The following TREM1 variants were observed in gnomAD, a reference collection of about 807,000 sequenced individuals.
TREM1 encodes the protein triggering receptor expressed on monocytes 1.
A neutral mutation model predicts 22.4 loss-of-function variants in TREM1; 16 were observed. That is an observed-to-expected ratio of 0.71 (90% CI 0.48 to 1.08). The LOEUF (loss-of-function observed/expected upper bound fraction) is 1.08. Among genes scored for constraint, TREM1 ranks in the 50% least tolerant of loss-of-function variants. The probability of loss-of-function intolerance (pLI) is 0.00; values close to 1 mark genes in which losing one functional copy is unlikely to be tolerated. For synonymous variants in TREM1, 110 were observed against 111.6 expected, an observed-to-expected ratio of 0.99 and a Z score of 0.09; for missense variants, 283 against 282.9, an observed-to-expected ratio of 1.00 and a Z score of 0.00.
chr6:41,285,514 G>A (rs529121149), intron 1 of TREM1, among the ~76,000 whole-genome samples: 1 of 152,290 alleles, frequency 6.6e-6, no homozygotes, highest in South Asian at 2.1e-4. Flanking sequence ...TGAGCTACAT[G>A]GTCCAACACA....
In TREM1 at chr6:41,282,692, G is replaced by T; in HGVS notation, c.109C>A (p.Leu37Met). The change falls in exon 2 of 4, where the codon CTG becomes ATG. Residue 37 changes from leucine (L) to methionine (M), a missense_variant. Transcript: ENST00000244709. ...AGCGTGTAGTCACATTTCACATCCA[G>T]GGTCTGCCCCTCTTTCAGTTCATAC... The part of the protein sequence containing the change: ...EKYELKEGQT[L>M]DVKCDYTLEK... The T allele has an allele frequency of 6.2e-7, 1 of 1,614,112 alleles. No homozygotes were observed. Among genetic ancestry groups the T allele is most frequent in the South Asian group, 1.1e-5 (1 of 91,082 alleles).
intron 1 of TREM1, among the ~76,000 whole-genome samples, chr6:41,286,128 A>T (rs75472587): frequency 0.017 from 2,522 of 152,208 alleles, 44 homozygotes; most frequent in African/African-American, 0.042. Flanking sequence ...GATCACCTCC[A>T]CCAAAATGAG....
chr6:41,283,262 G>C (rs184634588), intron 1 of TREM1, among the ~76,000 whole-genome samples: 6 of 152,320 alleles, frequency 3.9e-5, no homozygotes, highest in Admixed American at 3.3e-4. Flanking sequence ...TGGAGGGCAT[G>C]ATGGGCATGG....
downstream of TREM1, among the ~76,000 whole-genome samples, chr6:41,270,925 C>T (rs1436859374): frequency 2.6e-5 from 4 of 152,222 alleles, no homozygotes; most frequent in Admixed American, 2.0e-4. Context: ...AGACTGGTCT[C>T]GAACTCCTGG....
At position 41,279,741 on chromosome 6, in the gene TREM1, G is replaced by A. The variant is rs1002747314; in HGVS notation, c.599+1220C>T. On this transcript the variant is annotated intron_variant, in intron 3 of 3. Transcript: ENST00000244709. ...TTTAATGATTTAAAAGACTAAATCC[G>A]TGTCTGTAAGCCTGCCATGACACTG... 1.1e-5 allele frequency: 11 copies of A among 985,292 alleles called. No individual in the cohort carries two copies. The African/African-American group carries it at 1.4e-4, about 13-fold the overall frequency. The allele number at this position is 985,292 out of a possible 1,614,324, so 61.0% of individuals were successfully genotyped here.
At chr6:41,276,275 C>T (rs1356237452) in intron 3 of TREM1, 45 bp from the exon 4 acceptor site, 22 of 1,409,770 alleles carry the variant, frequency 1.6e-5, no homozygotes, top group Non-Finnish European at 2.1e-5. Flanking sequence ...CAAAGTCTCT[C>T]CCACACGCAC....
rs1459843636 is a variant in TREM1, at chr6:41,281,056, G to A, written c.504C>T (p.Ser168=). 3.7e-6 allele frequency: 6 copies of A among 1,614,232 alleles called. No individual in the cohort carries two copies. In the East Asian group the frequency reaches 1.3e-4, roughly 36 times the overall value. The change falls in exon 3 of 4, where the codon AGC becomes AGT. Residue 168 remains serine (S), a synonymous_variant. Transcript: ENST00000244709. ...GTGGAGCTTGGGTCACAGTTCTGGG[G>A]CTGGTATAGAGTGGGCACAAGGCCT... ...TTKALCPLYT[S]PRTVTQAPPK...
intron 1 of TREM1, among the ~76,000 whole-genome samples, chr6:41,285,043 T>C (rs1257699332): frequency 6.6e-6 from 1 of 152,210 alleles, no homozygotes; most frequent in African/African-American, 2.4e-5. Context: ...TGCTGGGCTC[T>C]TTGGAAGACA....
downstream of TREM1, among the ~76,000 whole-genome samples, chr6:41,269,486 G>C (rs1767419215): frequency 6.6e-6 from 1 of 152,182 alleles, no homozygotes; most frequent in South Asian, 2.1e-4. Context: ...ATCTCTTTGA[G>C]TCTTCTCTTC....
At chr6:41,282,826 C>T in intron 1 of TREM1, 75 bp from the exon 2 acceptor site, 3 of 1,356,856 alleles carry the variant, frequency 2.2e-6, no homozygotes, top group Non-Finnish European at 3.0e-6. Flanking sequence ...AGGAGAGGAG[C>T]CCCCTGTTTT....
At position 41,274,001 on chromosome 6, in the gene TREM1, G is replaced by A. The variant is rs764435377; in HGVS notation, c.*2124C>T. ...CAGGATGGGGAGGATGGAGCATGGC[G>A]TGGCCTGTAAGTGCAAATGGGAGAG... On this transcript the variant is annotated 3_prime_UTR_variant, in exon 4 of 4. Transcript: ENST00000244709. 5.9e-5 allele frequency among the ~76,000 whole-genome samples: 9 copies of A among 152,232 alleles called. No individual in the cohort carries two copies. The highest frequency in any genetic ancestry group is 1.9e-4 in the East Asian group (1 of 5,200).
chr6:41,281,559 G>C, intron 2 of TREM1: 1 of 208,110 alleles, frequency 4.8e-6, no homozygotes, highest in East Asian at 1.2e-4. Flanking sequence ...TCTGCCTTTC[G>C]TTCACCTGGC....
At position 41,277,143 on chromosome 6, in the gene TREM1, T is replaced by C. The variant is rs547348548; in HGVS notation, c.600-913A>G. 2.6e-4 allele frequency among the ~76,000 whole-genome samples: 39 copies of C among 150,994 alleles called. No individual in the cohort carries two copies. The South Asian group carries it at 3.3e-3, about 13-fold the overall frequency. On this transcript the variant is annotated intron_variant, in intron 3 of 3. Transcript: ENST00000244709. ...CACATTAAGGAATAAAGCAAAGCAA[T>C]TGATTTAAAATCAACACACCCACCT...
At chr6:41,268,469 T>C (rs1430369028) in intron 3 of TREM1, among the ~76,000 whole-genome samples, 1 of 152,240 alleles carries the variant, frequency 6.6e-6, no homozygotes, top group Non-Finnish European at 1.5e-5. Flanking sequence ...AATGATGGAT[T>C]CATACCAGAA....
intron 1 of TREM1, among the ~76,000 whole-genome samples, chr6:41,283,795 G>A (rs887431447): frequency 1.3e-5 from 2 of 152,120 alleles, no homozygotes; most frequent in Non-Finnish European, 2.9e-5. Context: ...AGGAGCACAT[G>A]GCTGAGCTGG....
chr6:41,279,779 T>A lies in TREM1; in HGVS notation c.599+1182A>T, dbSNP rs145403988. Reference sequence around the variant, plus strand: ...TGCCATGACACTGCTTTATTTATGCTTAATGGATCACACTGCAAATTGTTT... The same window carrying A: ...TGCCATGACACTGCTTTATTTATGCATAATGGATCACACTGCAAATTGTTT... On this transcript the variant is annotated intron_variant, in intron 3 of 3. Transcript: ENST00000244709. The A allele has an allele frequency of 2.0e-3, 1,945 of 985,480 alleles. 15 individuals are homozygous for A. In the African/African-American group the frequency reaches 0.021, roughly 11 times the overall value. 61.0% of individuals were successfully genotyped at this position (985,480 alleles called of 1,614,324 possible). A position where few individuals can be genotyped will look rare whatever the true frequency, so the allele number is the denominator to read the frequency against.
At chr6:41,276,685 T>C (rs917349269) in intron 3 of TREM1, among the ~76,000 whole-genome samples, 4 of 152,126 alleles carry the variant, frequency 2.6e-5, no homozygotes, top group African/African-American at 9.7e-5. Flanking sequence ...CTAAGGTTTC[T>C]GGGTAAACAT....
chr6:41,271,869 C>G (rs1031311425), downstream of TREM1, among the ~76,000 whole-genome samples: 1 of 152,180 alleles, frequency 6.6e-6, no homozygotes, highest in East Asian at 1.9e-4. Flanking sequence ...GCTGGGCTGT[C>G]TACATCCCTC....
rs34727391 is a variant in TREM1 at position 41,282,397 on chromosome 6, T to C, written c.404A>G (p.Lys135Arg). 1 of 1,605,344 alleles carries C rather than the reference T, an allele frequency of 6.2e-7. No homozygotes were observed. The highest frequency in any genetic ancestry group is 8.5e-7 in the Non-Finnish European group (1 of 1,174,180). Residue 135 changes from lysine to arginine, a missense_variant and splice_region_variant, in exon 2 of 4, where the codon AAG (lysine) becomes AGG (arginine). Coordinates refer to ENST00000244709, the MANE Select transcript of TREM1 (RefSeq NM_018643.5). ...LFDRIRLVVTKGFSGTPGSNE... is the reference protein window; with the variant it reads ...LFDRIRLVVTRGFSGTPGSNE... ...CCCCCAAGTCCCAGGCCACTCACCC[T>C]TGGTCACCACCAAGCGGATGCGATC...
Sources: allele counts gnomAD v4.1 joint callset (sites outside exome capture counted in the v4.1 genomes callset), GRCh38; gene constraint gnomAD v4.1.1; transcripts MANE v1.5; gene names NCBI Gene and HGNC (gene_info 2026-07-23, HGNC 2026-07-21).